FSCN2: variants seen among roughly 807,000 people sequenced by gnomAD.
FSCN2 encodes fascin actin-bundling protein 2, retinal, also known as fascin-2.
Under a neutral mutation model 37.8 loss-of-function variants are expected in FSCN2, and 46 were observed. The observed-to-expected ratio is 1.22, with a 90% CI of 0.96 to 1.56. The LOEUF (loss-of-function observed/expected upper bound fraction) is 1.56, where lower values mean the gene tolerates loss of function less well. Among genes scored for constraint, FSCN2 ranks in the 40% most tolerant of loss-of-function variants. The pLI is 0.00. For missense variants in FSCN2, 844 were observed against 730.4 expected, an observed-to-expected ratio of 1.16 and a Z score of -1.79; for synonymous variants, 351 against 309.4, an observed-to-expected ratio of 1.13 and a Z score of -1.41.
chr17:81,518,678 G>C, the FSCN2 span, among the ~76,000 whole-genome samples: 1 of 152,292 alleles, frequency 6.6e-6, no homozygotes, highest in South Asian at 2.1e-4. Context: ...CTTGTCCAGT[G>C]TGCGCGGGGC....
In FSCN2 at chr17:81,536,727, C is replaced by T; in HGVS notation, c.1211C>T (p.Thr404Ile). The stretch of plus-strand genomic sequence containing the variant: ...CACCGCGGCTCCAACCAGCTGGACA[C>T]CAACCGCTCCGTCTACGACGTCTTC... ...CHHRGSNQLDTNRSVYDVFHL... is the reference protein window; with the variant it reads ...CHHRGSNQLDINRSVYDVFHL... Residue 404 changes from threonine to isoleucine, a missense_variant, in exon 4 of 5, where the codon ACC (threonine) becomes ATC (isoleucine). Coordinates refer to ENST00000417245, the MANE Select transcript of FSCN2 (RefSeq NM_012418.4). The T allele has an allele frequency of 6.2e-7, 1 of 1,611,242 alleles. No homozygotes were observed. Among genetic ancestry groups the T allele is most frequent in the African/African-American group, 1.3e-5 (1 of 75,032 alleles).
rs201632465 is a variant in FSCN2 at position 81,529,127 on chromosome 17, G to A, written c.596G>A (p.Arg199His). ...CDSRYLRSDG[R>H]LVWEPEPRAC... ...AGCCGCTACCTGCGCAGCGACGGCC[G>A]TCTGGTCTGGGAGCCTGAGCCCCGT... The change falls in exon 1 of 5, where the codon CGT (arginine) becomes CAT (histidine). Residue 199 changes from arginine to histidine, a missense_variant. Coordinates refer to ENST00000417245, the MANE Select transcript of FSCN2 (RefSeq NM_012418.4). The A allele has an allele frequency of 2.0e-5, 31 of 1,582,934 alleles. No homozygotes were observed. The highest frequency in any genetic ancestry group is 5.4e-5 in the African/African-American group (4 of 74,428).
Position 81,529,236 on chromosome 17 carries a change from A to G in FSCN2, c.705A>G (p.Ala235=), listed in dbSNP as rs2032466798. 2 of 1,599,576 alleles carry G rather than the reference A, an allele frequency of 1.3e-6. No individual in the cohort carries two copies. The highest frequency in any genetic ancestry group is 1.1e-5 in the South Asian group (1 of 89,308). Residue 235 remains alanine, a synonymous_variant, in exon 1 of 5, where the codon GCA becomes GCG. Transcript: ENST00000417245. ...DGHYLAPVGP[A]GTLKAGRNTR... ...ACTACCTGGCACCCGTGGGGCCCGC[A>G]GGCACCCTCAAGGCCGGCCGAAACA...
rs376622732 is a variant in FSCN2, at chr17:81,531,778, T to A, written c.826+2421T>A. On this transcript the variant is annotated intron_variant, in intron 1 of 4. Coordinates refer to ENST00000417245, the MANE Select transcript of FSCN2 (RefSeq NM_012418.4). ...ATGGCGATGATGGTGATGATAGTGA[T>A]GGTGATGATGGTGATGATGATAATG... Among the ~76,000 whole-genome samples the A allele has an allele frequency of 2.3e-3, 321 of 141,524 alleles. 22 individuals carry two copies. The East Asian group carries it at 0.064, about 28-fold the overall frequency. The allele number at this position is 141,524 out of a possible 152,430, so 92.8% of individuals were successfully genotyped here.
chr17:81,532,327 T>A (rs1235953848), intron 1 of FSCN2, among the ~76,000 whole-genome samples: 1 of 145,618 alleles, frequency 6.9e-6, no homozygotes, highest in Admixed American at 6.9e-5. Context: ...ATGGTGATGA[T>A]AGTGATGGTG....
At position 81,536,808 on chromosome 17, in the gene FSCN2, G is replaced by T; in HGVS notation, c.1273+19G>T. On this transcript the variant is annotated intron_variant, in intron 4 of 4. Transcript: ENST00000417245. Reference sequence around the variant, plus strand: ...ATCCGAGGTGCGTGGCGGGGCGGGTGGGCACGCGGGAGCGGGGGTGGCAGC... The same window carrying T: ...ATCCGAGGTGCGTGGCGGGGCGGGTTGGCACGCGGGAGCGGGGGTGGCAGC... The T allele has an allele frequency of 6.4e-7, 1 of 1,567,092 alleles. No homozygotes were observed. Among genetic ancestry groups the T allele is most frequent in the Non-Finnish European group, 8.7e-7 (1 of 1,153,716 alleles).
upstream of FSCN2, among the ~76,000 whole-genome samples, chr17:81,526,585 C>T (rs1390401078): frequency 6.6e-6 from 1 of 152,218 alleles, no homozygotes; most frequent in African/African-American, 2.4e-5. Flanking sequence ...GATTGCGCCA[C>T]TGGACTCCAG....
upstream of FSCN2, among the ~76,000 whole-genome samples, chr17:81,526,824 G>C (rs2032365418): frequency 6.6e-6 from 1 of 152,238 alleles, no homozygotes. Flanking sequence ...CCCCAGGATG[G>C]TGCCTGGCAC....
the FSCN2 span, chr17:81,519,050 C>G: frequency 6.6e-6 from 1 of 152,230 alleles, no homozygotes; most frequent in Non-Finnish European, 1.5e-5. Context: ...CTCGCCGCCC[C>G]GCCCGTCCCA....
the FSCN2 span, among the ~76,000 whole-genome samples, chr17:81,522,208 T>C: frequency 6.6e-6 from 1 of 152,214 alleles, no homozygotes; most frequent in Non-Finnish European, 1.5e-5. Context: ...AGTTTCACCA[T>C]GTTGGGCAGG....
chr17:81,535,233 TCCATCATCCCCATCC>T, intron 2 of FSCN2, 25 bp downstream of exon 2: 3 of 1,483,426 alleles, frequency 2.0e-6, no homozygotes, highest in South Asian at 1.3e-5. Flanking sequence ...CCCTTCCTCC[TCCATCATCCCCATCC>T]CCACCATCAC....
intron 1 of FSCN2, chr17:81,530,801 C>T (rs1427375189): frequency 9.6e-6 from 3 of 312,886 alleles, no homozygotes; most frequent in African/African-American, 4.6e-5. Flanking sequence ...CCTGTCCCAG[C>T]AGTGACAGGG....
upstream of FSCN2, among the ~76,000 whole-genome samples, chr17:81,526,623 A>C (rs1207858659): frequency 6.6e-6 from 1 of 152,198 alleles, no homozygotes; most frequent in Non-Finnish European, 1.5e-5. Flanking sequence ...ACCCTATTTC[A>C]AGAAAAAAGT....
the FSCN2 span, among the ~76,000 whole-genome samples, chr17:81,515,443 G>C: frequency 3.3e-5 from 5 of 152,248 alleles, no homozygotes; most frequent in Non-Finnish European, 7.3e-5. Context: ...AGGGAGACTT[G>C]GGGCCTGGAG....
rs758903366 is a variant in FSCN2, at chr17:81,536,991, C to A, written c.1390C>A (p.Arg464=). 1.3e-6 allele frequency: 2 copies of A among 1,526,430 alleles called. No individual in the cohort carries two copies. The highest frequency in any genetic ancestry group is 2.0e-5 in the Admixed American group (1 of 49,052). 94.6% of individuals were successfully genotyped at this position (1,526,430 alleles called of 1,614,324 possible). Residue 464 remains arginine, a synonymous_variant, in exon 5 of 5, where the codon CGG becomes AGG. Transcript: ENST00000417245. ...GCGCGGCCGCCTGGCCATCCGCGCC[C>A]GGAGCGGCAAGTACCTGCGCGGCGG... ...RERGRLAIRA[R]SGKYLRGGAS... is the part of the protein sequence containing the mutation.
upstream of FSCN2, among the ~76,000 whole-genome samples, chr17:81,528,153 C>G (rs2032411109): frequency 6.6e-6 from 1 of 152,210 alleles, no homozygotes; most frequent in Admixed American, 6.5e-5. Context: ...AAGAGGGGCG[C>G]TGGGCCCACG....
At chr17:81,518,228 C>G in the FSCN2 span, among the ~76,000 whole-genome samples, 1 of 152,154 alleles carries the variant, frequency 6.6e-6, no homozygotes, top group Non-Finnish European at 1.5e-5. Context: ...TGGCATGCCC[C>G]CATGCCACCC....
the FSCN2 span, among the ~76,000 whole-genome samples, chr17:81,517,606 A>G: frequency 2.0e-5 from 3 of 152,146 alleles, no homozygotes; most frequent in Admixed American, 1.3e-4. Context: ...TCCCAAGGGC[A>G]TAGCCCCAGG....
chr17:81,524,350 T>C (rs377431931), upstream of FSCN2, among the ~76,000 whole-genome samples: 7 of 151,768 alleles, frequency 4.6e-5, no homozygotes, highest in African/African-American at 1.2e-4. Flanking sequence ...GGGCTGGGGG[T>C]ACTGCTACCC....
Sources: gnomAD v4.1 joint callset for allele counts (sites outside exome capture counted in the v4.1 genomes callset) on GRCh38, gnomAD v4.1.1 for gene constraint, MANE v1.5 for transcripts, NCBI Gene and HGNC (gene_info 2026-07-23, HGNC 2026-07-21) for gene names.